Variants in NAV1 observed in about 807,000 individuals in gnomAD.
The protein encoded by NAV1 is pore membrane and/or filament interacting like protein 3.
Under a neutral mutation model 175.2 loss-of-function variants are expected in NAV1, and 18 were observed. The observed-to-expected ratio is 0.10, with a 90% CI of 0.07 to 0.15. The LOEUF (loss-of-function observed/expected upper bound fraction) is 0.15, where lower values mean the gene tolerates loss of function less well. NAV1 is among the 10% of genes least tolerant of loss of function. The pLI, the probability that NAV1 is intolerant of heterozygous loss-of-function variation, is 1.00. For missense variants in NAV1, 1,731 were observed against 2,436.6 expected (o/e 0.71, Z 6.10); for synonymous variants, 897 against 978.7 (o/e 0.92, Z 1.56).
intron 1 of NAV1, among the ~76,000 whole-genome samples, chr1:201,562,039 C>T (rs1666216087): frequency 6.6e-6 from 1 of 152,166 alleles, no homozygotes; most frequent in Non-Finnish European, 1.5e-5. Flanking sequence ...AGGTCTTGCT[C>T]TGTCACCCAG....
At chr1:201,717,958 T>C (rs1322577609) in intron 2 of NAV1, among the ~76,000 whole-genome samples, 1 of 152,228 alleles carries the variant, frequency 6.6e-6, no homozygotes, top group East Asian at 1.9e-4. Context: ...ACCCCTTCCA[T>C]ATACCAGGCA....
At position 201,812,358 on chromosome 1, in the gene NAV1, A is replaced by G. The variant is rs1251365962; in HGVS notation, c.5025-107A>G. 9.1e-7 allele frequency: 1 copy of G among 1,095,822 alleles called. No homozygotes were observed. The highest frequency in any genetic ancestry group is 1.3e-6 in the Non-Finnish European group (1 of 745,768). 67.9% of individuals were successfully genotyped at this position (1,095,822 alleles called of 1,614,324 possible). A position where few individuals can be genotyped will look rare whatever the true frequency, so the allele number is the denominator to read the frequency against. ...ACTATTACTTGAAAAGAAACCAAGT[A>G]GGCATTAGTGAGAAGCAGGCAGAAG... is the stretch of plus-strand genomic sequence containing the variant. On this transcript the variant is annotated intron_variant, in intron 26 of 29. Transcript: ENST00000367296. The surrounding 1 kb of genome is among the most constrained non-coding windows in gnomAD (Gnocchi z 4.6).
At chr1:201,776,335 C>CAAAAAAAAAAAAAAAAA (rs71138352) in intron 3 of NAV1, among the ~76,000 whole-genome samples, 1 of 71,890 alleles carries the variant, frequency 1.4e-5, no homozygotes, top group African/African-American at 6.2e-5. Flanking sequence ...CCTGACTCTA[C>CAAAAAAAAAAAAAAAAA]AAAAAAAAAA....
In NAV1 at chr1:201,743,765, G is replaced by C. The variant is rs116451936; in HGVS notation, c.1226+25010G>C. On this transcript the variant is annotated intron_variant, in intron 3 of 29. Transcript: ENST00000367296. ...ATATCTCTGATTTTTACTTAAATTC[G>C]TCATTGCCCATATTCAGGTTTCTAT... Among the ~76,000 whole-genome samples, 1,462 of 152,134 alleles carry C rather than the reference G, an allele frequency of 9.6e-3. 16 individuals carry two copies. Among genetic ancestry groups the C allele is most frequent in the African/African-American group, 0.034 (1,392 of 41,490 alleles).
intron 3 of NAV1, among the ~76,000 whole-genome samples, chr1:201,771,518 A>AAC (rs1675589587): frequency 6.6e-6 from 1 of 151,906 alleles, no homozygotes; most frequent in African/African-American, 2.4e-5. Flanking sequence ...AAAAAAAAAA[A>AAC]AAAACTGGTG....
chr1:201,556,222 G>A (rs1013545219), intron 1 of NAV1, among the ~76,000 whole-genome samples: 1 of 151,992 alleles, frequency 6.6e-6, no homozygotes, highest in African/African-American at 2.4e-5. Flanking sequence ...GACCACCCTG[G>A]ACAACATACA....
chr1:201,664,537 C>T (rs920628850), intron 1 of NAV1, among the ~76,000 whole-genome samples: 18 of 152,248 alleles, frequency 1.2e-4, no homozygotes, highest in East Asian at 3.9e-4. Context: ...AAATGAAAAG[C>T]GCCCCAAAAT....
intron 3 of NAV1, among the ~76,000 whole-genome samples, chr1:201,745,347 C>T (rs1241197492): frequency 1.3e-5 from 2 of 152,168 alleles, no homozygotes; most frequent in Non-Finnish European, 2.9e-5. Context: ...AACCCATGGA[C>T]TTACAAAGGA....
At chr1:201,754,552 G>T (rs751794098) in intron 3 of NAV1, among the ~76,000 whole-genome samples, 6 of 152,170 alleles carry the variant, frequency 3.9e-5, no homozygotes, top group Non-Finnish European at 8.8e-5. Flanking sequence ...GTTCCAATGA[G>T]TGGGGGAGTA....
chr1:201,707,648 C>T (rs571582654), intron 1 of NAV1, among the ~76,000 whole-genome samples: 122 of 152,334 alleles, frequency 8.0e-4, no homozygotes, highest in African/African-American at 2.8e-3. Context: ...CCTGTTTCCC[C>T]TGTTCTGACA....
intron 20 of NAV1, 64 bp from the exon 25 acceptor site, chr1:201,809,100 T>C: frequency 1.3e-6 from 2 of 1,507,562 alleles, no homozygotes; most frequent in African/African-American, 1.4e-5. Context: ...AGGATAATGA[T>C]GGGAAAGTTT....
chr1:201,636,762 C>T (rs1668629143), intron 2 of NAV1, among the ~76,000 whole-genome samples: 1 of 152,182 alleles, frequency 6.6e-6, no homozygotes, highest in Non-Finnish European at 1.5e-5. Context: ...AGGAGGAAAG[C>T]TCAGCCCCAG....
chr1:201,809,806 T>A, intron 22 of NAV1, 140 bp from the exon 27 acceptor site: 1 of 895,474 alleles, frequency 1.1e-6, no homozygotes, highest in Non-Finnish European at 1.7e-6. Context: ...TGAGGCTTTA[T>A]GGAGAAATGC....
chr1:201,766,151 T>C (rs575220906), intron 3 of NAV1, among the ~76,000 whole-genome samples: 1 of 152,352 alleles, frequency 6.6e-6, no homozygotes, highest in East Asian at 1.9e-4. Flanking sequence ...TTCTTGGTGA[T>C]TTTTACCCTT....
At chr1:201,660,240 C>T (rs928370132) in intron 1 of NAV1, among the ~76,000 whole-genome samples, 2 of 152,190 alleles carry the variant, frequency 1.3e-5, no homozygotes, top group African/African-American at 2.4e-5. Flanking sequence ...GCTCCCACTG[C>T]CACAGTGGAT....
At chr1:201,800,028 A>C (rs114369807) in intron 15 of NAV1, among the ~76,000 whole-genome samples, 5,414 of 151,772 alleles carry the variant, frequency 0.036, 174 homozygotes, top group South Asian at 0.1. Context: ...GAGAGAGGGT[A>C]TCACTCTGTT....
At chr1:201,556,862 T>A (rs1048524311) in intron 1 of NAV1, among the ~76,000 whole-genome samples, 1 of 152,170 alleles carries the variant, frequency 6.6e-6, no homozygotes, top group Non-Finnish European at 1.5e-5. Context: ...TGGAGAGCCC[T>A]AGAAAATCAT....
intron 3 of NAV1, among the ~76,000 whole-genome samples, chr1:201,760,500 T>C (rs1674772031): frequency 6.6e-6 from 1 of 152,228 alleles, no homozygotes; most frequent in South Asian, 2.1e-4. Flanking sequence ...GGACAAGAGT[T>C]CTTTTTGTGT....
At chr1:201,641,966 T>C (rs1668768107) in intron 2 of NAV1, among the ~76,000 whole-genome samples, 1 of 149,930 alleles carries the variant, frequency 6.7e-6, no homozygotes, top group Non-Finnish European at 1.5e-5. Context: ...CTTCCTTCCT[T>C]TCTCTCTCTC....
Sources: allele counts gnomAD v4.1 joint callset (sites outside exome capture counted in the v4.1 genomes callset), GRCh38; gene constraint gnomAD v4.1.1; non-coding constraint Gnocchi (gnomAD v3.1); transcripts MANE v1.5; gene names NCBI Gene and HGNC (gene_info 2026-07-23, HGNC 2026-07-21).